The following TBC1D21 variants were observed in gnomAD, a reference collection of about 807,000 sequenced individuals.
TBC1D21 encodes the protein male germ cell Rab GTPase-activating protein.
Under a neutral mutation model 46.0 loss-of-function variants are expected in TBC1D21, and 38 were observed. That is an observed-to-expected ratio of 0.83 (90% CI 0.64 to 1.08). The LOEUF is 1.08. TBC1D21 is among the 50% of genes least tolerant of loss of function. The pLI is 0.00. For synonymous variants in TBC1D21, 151 were observed against 157.2 expected, an observed-to-expected ratio of 0.96 and a Z score of 0.29; for missense variants, 415 against 417.9, an observed-to-expected ratio of 0.99 and a Z score of 0.06.
the TBC1D21 span, among the ~76,000 whole-genome samples, chr15:73,897,599 A>G: frequency 6.6e-6 from 1 of 152,128 alleles, no homozygotes; most frequent in Non-Finnish European, 1.5e-5. Context: ...CTCCTCCACA[A>G]GCCCAGGACT....
downstream of TBC1D21, among the ~76,000 whole-genome samples, chr15:73,892,056 G>C (rs2068341641): frequency 6.6e-6 from 1 of 152,126 alleles, no homozygotes; most frequent in African/African-American, 2.4e-5. Flanking sequence ...GCTTTTTCTG[G>C]GTCTGCCCAT....
chr15:73,899,202 T>C, the TBC1D21 span, among the ~76,000 whole-genome samples: 1 of 152,128 alleles, frequency 6.6e-6, no homozygotes, highest in South Asian at 2.1e-4. Context: ...TGAGCTTCAG[T>C]TTCTCTACCT....
chr15:73,885,144 C>A (rs751474195), intron 6 of TBC1D21, 41 bp downstream of exon 6: 3 of 1,545,894 alleles, frequency 1.9e-6, no homozygotes, highest in Admixed American at 1.7e-5. Context: ...CCTCCCCAAC[C>A]CCCCACTACT....
chr15:73,881,000 T>C (rs954568917), intron 1 of TBC1D21, among the ~76,000 whole-genome samples: 17 of 152,366 alleles, frequency 1.1e-4, no homozygotes, highest in East Asian at 1.9e-4. Flanking sequence ...TTGTACTATA[T>C]AGTACATAGA....
chr15:73,885,192 A>C lies in TBC1D21; in HGVS notation c.579+89A>C, dbSNP rs1038777755. 7.9e-4 allele frequency: 948 copies of C among 1,199,122 alleles called. 3 individuals carry two copies. Among genetic ancestry groups the C allele is most frequent in the East Asian group, 1.6e-3 (67 of 42,156 alleles). 74.3% of individuals were successfully genotyped at this position (1,199,122 alleles called of 1,614,324 possible). On this transcript the variant is annotated intron_variant, in intron 6 of 10. Coordinates refer to ENST00000300504, the MANE Select transcript of TBC1D21 (RefSeq NM_153356.3). ...CTTTGAGGATGGGCAGGCATTGGCC[A>C]CCCCAGCCATTCCTTCCAGGCTTCT... is the stretch of plus-strand genomic sequence containing the variant.
rs1185173249 is a variant in TBC1D21 at position 73,881,703 on chromosome 15, G to A, written c.228G>A (p.Trp76Ter). 5 of 1,613,852 alleles carry A rather than the reference G, an allele frequency of 3.1e-6. No homozygotes were observed. In the Middle Eastern group the frequency reaches 4.9e-4, roughly 160 times the overall value. The stretch of plus-strand genomic sequence containing the variant: ...AATTCCTCACGGGCTACTTCTCATG[G>A]CAGAGTTCCCAGGATGAGCGGCTCA... ...AWKFLTGYFS[W>*]QSSQDERLTV... Residue 76 changes from tryptophan to a stop codon, truncating the protein, a stop_gained, in exon 3 of 11, where the codon TGG becomes TGA. Transcript: ENST00000300504. LOFTEE classifies it high-confidence loss of function.
chr15:73,875,776 C>A (rs1255312450), intron 1 of TBC1D21, among the ~76,000 whole-genome samples: 1 of 152,190 alleles, frequency 6.6e-6, no homozygotes, highest in Admixed American at 6.5e-5. Context: ...GGTATCCAGC[C>A]CCCTCGCAAA....
At chr15:73,909,386 T>G in the TBC1D21 span, among the ~76,000 whole-genome samples, 4 of 151,110 alleles carry the variant, frequency 2.6e-5, no homozygotes. Flanking sequence ...AAAATCCACA[T>G]AGAGTGCAGC....
the TBC1D21 span, among the ~76,000 whole-genome samples, chr15:73,907,687 G>A: frequency 1.3e-5 from 2 of 152,066 alleles, no homozygotes; most frequent in African/African-American, 4.8e-5. Flanking sequence ...CCCACATTTT[G>A]TAATCTCTTA....
the TBC1D21 span, among the ~76,000 whole-genome samples, chr15:73,905,771 G>T: frequency 6.6e-6 from 1 of 152,294 alleles, no homozygotes; most frequent in Non-Finnish European, 1.5e-5. Context: ...TACAGCATTT[G>T]CTCCAGGGCC....
chr15:73,875,673 A>G (rs1470841301), intron 1 of TBC1D21, among the ~76,000 whole-genome samples: 1 of 152,178 alleles, frequency 6.6e-6, no homozygotes, highest in African/African-American at 2.4e-5. Flanking sequence ...TAACCTGCCT[A>G]GATACACCCT....
At chr15:73,907,138 G>A in the TBC1D21 span, among the ~76,000 whole-genome samples, 1 of 140,712 alleles carries the variant, frequency 7.1e-6, no homozygotes, top group Non-Finnish European at 1.6e-5. Flanking sequence ...TCCTCCTCCT[G>A]CTCCTCCTCC....
rs183346450 is a variant in TBC1D21, at chr15:73,887,335, C to T, written c.778-285C>T. On this transcript the variant is annotated intron_variant, in intron 8 of 10. Transcript: ENST00000300504. ...GACAGTTTCCTAGTGTCTTCCCACC[C>T]CTCATTGCCTCCCTCCCCTTCCTCT... is the stretch of plus-strand genomic sequence containing the variant. 1.6e-4 allele frequency among the ~76,000 whole-genome samples: 25 copies of T among 152,312 alleles called. No homozygotes were observed. The East Asian group carries it at 4.2e-3, about 26-fold the overall frequency.
intron 3 of TBC1D21, among the ~76,000 whole-genome samples, chr15:73,883,195 G>T (rs184075986): frequency 3.1e-4 from 47 of 152,342 alleles, no homozygotes; most frequent in South Asian, 1.0e-3. Flanking sequence ...AAAGATTCAC[G>T]TGTCGGGGCC....
At chr15:73,898,880 A>AAAAAAAAAAAAT in the TBC1D21 span, among the ~76,000 whole-genome samples, 241 of 56,722 alleles carry the variant, frequency 4.2e-3, 2 homozygotes, top group East Asian at 7.3e-3. Flanking sequence ...AAAAAAAAAA[A>AAAAAAAAAAAAT]ATATATATAT....
At chr15:73,886,028 G>T (rs909947904) in intron 6 of TBC1D21, 50 bp from the exon 7 acceptor site, 3 of 1,539,334 alleles carry the variant, frequency 1.9e-6, no homozygotes, top group African/African-American at 2.7e-5. Flanking sequence ...GACTCTTCCG[G>T]TGCCTTGAAG....
rs569675073 is a variant in TBC1D21, at chr15:73,884,697, C to G, written c.368-84C>G. ...CCCTCCAGGATGTCCTAGGGCCTGC[C>G]CATTGGGGTAGGGGAAGAAATTCAC... On this transcript the variant is annotated intron_variant, in intron 4 of 10. Transcript: ENST00000300504. 1.7e-4 allele frequency: 162 copies of G among 933,044 alleles called. 2 individuals are homozygous for G. In the Middle Eastern group the frequency reaches 2.8e-3, roughly 16 times the overall value. 57.8% of individuals were successfully genotyped at this position (933,044 alleles called of 1,614,324 possible).
In TBC1D21 at chr15:73,886,210, C is replaced by G. The variant is rs558823981; in HGVS notation, c.676+36C>G. 56 of 1,585,486 alleles carry G rather than the reference C, an allele frequency of 3.5e-5. No homozygotes were observed. In the South Asian group the frequency reaches 5.6e-4, roughly 16 times the overall value. On this transcript the variant is annotated intron_variant, in intron 7 of 10. Coordinates refer to ENST00000300504, the MANE Select transcript of TBC1D21 (RefSeq NM_153356.3). The stretch of plus-strand genomic sequence containing the variant: ...CCCACCTCCTGCCACCTCACGCACC[C>G]CCCAGGCATGGGAAGGGGGCTGGGA...
At chr15:73,896,338 C>T in the TBC1D21 span, among the ~76,000 whole-genome samples, 1 of 71,408 alleles carries the variant, frequency 1.4e-5, no homozygotes, top group Non-Finnish European at 3.8e-5. Flanking sequence ...AAAATAGTGA[C>T]GCTGCCATCA....
Sources: allele counts gnomAD v4.1 joint callset (sites outside exome capture counted in the v4.1 genomes callset), GRCh38; gene constraint gnomAD v4.1.1; transcripts MANE v1.5; gene names NCBI Gene and HGNC (gene_info 2026-07-23, HGNC 2026-07-21).